CUBN: variants seen among roughly 807,000 people sequenced by gnomAD.
The protein encoded by CUBN is 460 kDa receptor.
CUBN carries 282 observed loss-of-function variants against 405.3 expected under a neutral mutation model. The observed-to-expected ratio is 0.70, with a 90% CI of 0.63 to 0.77. CUBN has a LOEUF of 0.77. Among genes scored for constraint, CUBN ranks in the 30% least tolerant of loss-of-function variants. CUBN has a pLI of 0.00. For synonymous variants in CUBN, 1,684 were observed against 1,617.0 expected, an observed-to-expected ratio of 1.04 and a Z score of -0.99; for missense variants, 4,514 against 4,475.2, an observed-to-expected ratio of 1.01 and a Z score of -0.25.
intron 36 of CUBN, among the ~76,000 whole-genome samples, chr10:16,941,567 C>T (rs192718193): frequency 2.0e-5 from 3 of 152,146 alleles, no homozygotes; most frequent in East Asian, 1.9e-4. Context: ...GAATAGGCTG[C>T]GTGTGGTAGC....
intron 60 of CUBN, among the ~76,000 whole-genome samples, chr10:16,846,780 C>A (rs183169796): frequency 6.9e-6 from 1 of 144,388 alleles, no homozygotes; most frequent in Non-Finnish European, 1.5e-5. Context: ...CCATTGCACT[C>A]GAGCCTGGGT....
At position 16,952,363 on chromosome 10, in the gene CUBN, A is replaced by C; in HGVS notation, c.4882T>G (p.Ser1628Ala). Residue 1628 changes from serine (S) to alanine (A), a missense_variant, in exon 33 of 67, where the codon TCA becomes GCA. This residue lies in a region of CUBN where 1,613 missense variants were observed against 1,542.8 expected (regional missense o/e 1.05). Transcript: ENST00000377833. The part of the protein sequence containing the change: ...QACGGHILTS[S>A]FDTVSSPRFP... The stretch of plus-strand genomic sequence containing the variant: ...CGTGGAGAGGAAACAGTATCAAATG[A>C]GCTGGTGAGGATGTGGCCTCCGCAG... 2 of 1,613,782 alleles carry C rather than the reference A, an allele frequency of 1.2e-6. No homozygotes were observed. The highest frequency in any genetic ancestry group is 1.7e-6 in the Non-Finnish European group (2 of 1,179,704).
At chr10:16,880,072 TGAATTGAGA>T (rs1172446153) in intron 56 of CUBN, among the ~76,000 whole-genome samples, 2 of 152,318 alleles carry the variant, frequency 1.3e-5, no homozygotes, top group African/African-American at 4.8e-5. Context: ...ATTAAAATGC[TGAATTGAGA>T]GATTTGAGGC....
At chr10:17,118,610 A>T (rs1049253917) in intron 6 of CUBN, among the ~76,000 whole-genome samples, 3 of 152,038 alleles carry the variant, frequency 2.0e-5, no homozygotes, top group African/African-American at 7.2e-5. Context: ...TAAGTATTGC[A>T]TTTTTTGGTA....
chr10:16,936,536 T>TA (rs1391910569), intron 39 of CUBN, among the ~76,000 whole-genome samples: 3 of 152,194 alleles, frequency 2.0e-5, no homozygotes, highest in Non-Finnish European at 4.4e-5. Flanking sequence ...GCAAATAGGC[T>TA]AATCTTTTAA....
intron 43 of CUBN, among the ~76,000 whole-genome samples, chr10:16,921,284 C>T (rs1588652030): frequency 1.3e-5 from 2 of 152,168 alleles, no homozygotes; most frequent in East Asian, 1.9e-4. Flanking sequence ...TTTGTTACCC[C>T]TAATTTATTA....
Position 17,057,685 on chromosome 10 carries a change from G to GA in CUBN, c.3139+7822dup, listed in dbSNP as rs200467957. 1.5e-3 allele frequency among the ~76,000 whole-genome samples: 233 copies of GA among 151,090 alleles called. 3 individuals are homozygous for GA. The highest frequency in any genetic ancestry group is 6.6e-3 in the Admixed American group (101 of 15,192). ...TTTTTTTGTAATAGCTAAAAACTGG[G>GA]AAAAAAAAGCTCAACTATCTAACAA... is the stretch of plus-strand genomic sequence containing the variant. On this transcript the variant is annotated intron_variant, in intron 22 of 66. Coordinates refer to ENST00000377833, the MANE Select transcript of CUBN (RefSeq NM_001081.4).
intron 22 of CUBN, among the ~76,000 whole-genome samples, chr10:17,051,736 A>T (rs1835273178): frequency 6.6e-6 from 1 of 152,008 alleles, no homozygotes; most frequent in African/African-American, 2.4e-5. Flanking sequence ...ATTAATAGAC[A>T]TAATTTAATC....
At chr10:16,840,661 A>G in intron 61 of CUBN, 126 bp from the exon 62 acceptor site, 2 of 929,742 alleles carry the variant, frequency 2.2e-6, no homozygotes, top group South Asian at 2.8e-5. Context: ...TCTATTAAGA[A>G]TTCAGGGTTT....
chr10:17,050,844 C>G (rs566105572), intron 22 of CUBN, among the ~76,000 whole-genome samples: 1 of 152,100 alleles, frequency 6.6e-6, no homozygotes, highest in South Asian at 2.1e-4. Flanking sequence ...TAGAGGGGCT[C>G]GAGAAACAGG....
chr10:16,992,989 C>T (rs1833637181), intron 28 of CUBN, among the ~76,000 whole-genome samples: 1 of 152,208 alleles, frequency 6.6e-6, no homozygotes, highest in Non-Finnish European at 1.5e-5. Flanking sequence ...CAATGCCCAA[C>T]TCCAGGGAGC....
chr10:16,928,291 A>G lies in CUBN; in HGVS notation c.6137T>C (p.Leu2046Ser). The G allele has an allele frequency of 6.2e-7, 1 of 1,613,918 alleles. No individual in the cohort carries two copies. Among genetic ancestry groups the G allele is most frequent in the Non-Finnish European group, 8.5e-7 (1 of 1,179,900 alleles). ...ACAGAGAACTGCTAGCTGCTGGGCC[A>G]AGTTATTATCTCCTACGTTGAAAGA... ...SLVIRDGDNN[L>S]AQQLAVLCGR... is the part of the protein sequence containing the mutation. Residue 2046 changes from leucine to serine, a missense_variant, in exon 41 of 67, where the codon TTG (leucine) becomes TCG (serine). Leu to Ser is a moderately radical substitution (Grantham distance 145, BLOSUM62 -2). This residue lies in a region of CUBN where 1,613 missense variants were observed against 1,542.8 expected (regional missense o/e 1.05). Coordinates refer to ENST00000377833, the MANE Select transcript of CUBN (RefSeq NM_001081.4).
intron 59 of CUBN, among the ~76,000 whole-genome samples, chr10:16,864,948 CTTTTTTTT>C (rs35045969): frequency 0.018 from 878 of 50,032 alleles, 24 homozygotes; most frequent in African/African-American, 0.088. Flanking sequence ...CCATGCCCAG[CTTTTTTTT>C]TTTTTTTTTT....
chr10:16,848,689 C>CTTT (rs1839590151), intron 60 of CUBN, among the ~76,000 whole-genome samples: 12 of 33,834 alleles, frequency 3.5e-4, no homozygotes, highest in Admixed American at 1.3e-3. Context: ...TCTCTCCCAG[C>CTTT]CTTTTTTTTT....
chr10:16,997,463 G>A (rs1833767790), intron 28 of CUBN, among the ~76,000 whole-genome samples: 1 of 150,514 alleles, frequency 6.6e-6, no homozygotes, highest in Non-Finnish European at 1.5e-5. Context: ...AGCTTGTGGA[G>A]GAAGGGAGGA....
chr10:17,008,031 T>G (rs1375808112), intron 28 of CUBN, among the ~76,000 whole-genome samples: 1 of 152,088 alleles, frequency 6.6e-6, no homozygotes, highest in Non-Finnish European at 1.5e-5. Flanking sequence ...TGCACCCCTG[T>G]AGTCCCAGCT....
rs374895820 is a variant in CUBN, at chr10:16,935,107, T to G, written c.5927-1823A>C. On this transcript the variant is annotated intron_variant, in intron 39 of 66. Transcript: ENST00000377833. ...ATGTACCCATTTAATTACGATACCA[T>G]TACTTAACTCACATATGAGTGTTTT... 1.1e-4 allele frequency among the ~76,000 whole-genome samples: 16 copies of G among 149,986 alleles called. No homozygotes were observed. The East Asian group carries it at 1.3e-3, about 13-fold the overall frequency.
At position 16,903,961 on chromosome 10, in the gene CUBN, C is replaced by A; in HGVS notation, c.8062+5G>T. On this transcript the variant is annotated splice_donor_5th_base_variant and intron_variant, in intron 51 of 66. Coordinates refer to ENST00000377833, the MANE Select transcript of CUBN (RefSeq NM_001081.4). ...TTTTATCAAGATCTTAATTATAATT[C>A]TTACCTGTAAAGGAATACTTTGCAT... 1.3e-6 allele frequency: 2 copies of A among 1,588,488 alleles called. No homozygotes were observed. Among genetic ancestry groups the A allele is most frequent in the Non-Finnish European group, 8.6e-7 (1 of 1,162,188 alleles).
At chr10:17,078,550 C>T (rs1835899819) in intron 17 of CUBN, among the ~76,000 whole-genome samples, 1 of 152,186 alleles carries the variant, frequency 6.6e-6, no homozygotes, top group East Asian at 1.9e-4. Context: ...TACTTATCTC[C>T]TCTTGAAATT....
Sources: allele counts gnomAD v4.1 joint callset (sites outside exome capture counted in the v4.1 genomes callset), GRCh38; gene constraint gnomAD v4.1.1; regional missense constraint gnomAD v4.1.1; transcripts MANE v1.5; gene names NCBI Gene and HGNC (gene_info 2026-07-23, HGNC 2026-07-21).